The following ANKRD40CL variants were observed in gnomAD, a reference collection of about 807,000 sequenced individuals.
ANKRD40CL encodes the protein ANKRD40 C-terminal like, also known as putative ANKRD40 C-terminal-like protein.
For missense variants in ANKRD40CL, 11 were observed against 6.4 expected (o/e 1.71, Z -0.77); for synonymous variants, 5 against 2.3 (o/e 2.14, Z -1.04).
chr17:50,763,707 T>C (rs530924440), intron 2 of ANKRD40CL, 150 bp from the exon 3 acceptor site: 1 of 395,970 alleles, frequency 2.5e-6, no homozygotes, highest in East Asian at 3.6e-5. Flanking sequence ...CATGGGCACA[T>C]ACACACTTTG....
At chr17:50,763,303 C>T in intron 3 of ANKRD40CL, 94 bp downstream of exon 3, 1 of 398,640 alleles carries the variant, frequency 2.5e-6, no homozygotes, top group African/African-American at 2.1e-5. Flanking sequence ...GCCAGGATTT[C>T]TGGTGTCATG....
intron 2 of ANKRD40CL, chr17:50,764,923 C>G (rs979403701): frequency 6.6e-6 from 1 of 152,138 alleles, no homozygotes; most frequent in African/African-American, 2.4e-5. Flanking sequence ...AGGGAGGCCT[C>G]CATGAAGGTT....
chr17:50,765,466 G>A (rs1567889500), intron 2 of ANKRD40CL, among the ~76,000 whole-genome samples: 1 of 152,204 alleles, frequency 6.6e-6, no homozygotes, highest in Non-Finnish European at 1.5e-5. Flanking sequence ...ATCCTGTGGG[G>A]TATGCACATT....
rs201496589 is a variant in ANKRD40CL at position 50,767,376 on chromosome 17, C to A, written c.-99+87G>T. The A allele has an allele frequency of 5.5e-4, 194 of 351,072 alleles. 2 individuals carry two copies. The highest frequency in any genetic ancestry group is 4.1e-3 in the South Asian group (188 of 45,308). 21.7% of individuals were successfully genotyped at this position (351,072 alleles called of 1,614,324 possible). ...CTTTGTTTCTCGGTTTGAATGGACTCCTCCTCCCCATTTCACTGTCTTTAC... is the reference window on the plus strand; with the variant it reads ...CTTTGTTTCTCGGTTTGAATGGACTACTCCTCCCCATTTCACTGTCTTTAC... On this transcript the variant is annotated intron_variant, in intron 1 of 3. Transcript: ENST00000450727.
At chr17:50,766,386 G>T (rs531810736) in intron 2 of ANKRD40CL, among the ~76,000 whole-genome samples, 5 of 152,322 alleles carry the variant, frequency 3.3e-5, no homozygotes, top group African/African-American at 9.6e-5. Context: ...TCCCTGCCCT[G>T]TCCACTACGT....
At chr17:50,762,023 C>A (rs1971209571) in intron 3 of ANKRD40CL, among the ~76,000 whole-genome samples, 1 of 152,034 alleles carries the variant, frequency 6.6e-6, no homozygotes, top group African/African-American at 2.4e-5. Flanking sequence ...CAGCTTCAAC[C>A]TCCTAGGCTC....
In ANKRD40CL at chr17:50,761,091, G is replaced by C. The variant is rs1442358021; in HGVS notation, c.*272C>G. ...AGTCTTGCTCTGTCGCCAGGCTGGA[G>C]TGCAGTGGCGCAATCTCAGCTCACT... On this transcript the variant is annotated 3_prime_UTR_variant, in exon 4 of 4. Coordinates refer to ENST00000450727, the MANE Select transcript of ANKRD40CL (RefSeq NM_001358683.3). 5.6e-6 allele frequency: 1 copy of C among 179,914 alleles called. No homozygotes were observed. The highest frequency in any genetic ancestry group is 1.1e-5 in the Non-Finnish European group (1 of 90,214). The allele number at this position is 179,914 out of a possible 1,614,324, so 11.1% of individuals were successfully genotyped here. A position where few individuals can be genotyped will look rare whatever the true frequency, so the allele number is the denominator to read the frequency against.
intron 3 of ANKRD40CL, 56 bp downstream of exon 3, chr17:50,763,332 GATTGGCTCC>G (rs1971237301): frequency 2.5e-6 from 1 of 398,938 alleles, no homozygotes; most frequent in East Asian, 3.6e-5. Context: ...AAGTGTAAAC[GATTGGCTCC>G]AGAGAACATG....
intron 2 of ANKRD40CL, chr17:50,765,166 G>A (rs1257662289): frequency 2.6e-5 from 4 of 152,164 alleles, no homozygotes; most frequent in African/African-American, 9.7e-5. Context: ...GGATTTTGGA[G>A]GCAATAAAAA....
intron 3 of ANKRD40CL, chr17:50,762,982 C>G (rs1041177911): frequency 2.0e-5 from 3 of 152,984 alleles, no homozygotes; most frequent in African/African-American, 7.2e-5. Context: ...CTGCAACCTC[C>G]TCCTCCTGGG....
In ANKRD40CL at chr17:50,761,246, A is replaced by T. The variant is rs372105050; in HGVS notation, c.*117T>A. 1.0e-5 allele frequency: 4 copies of T among 385,666 alleles called. No homozygotes were observed. The allele number at this position is 385,666 out of a possible 1,614,324, so 23.9% of individuals were successfully genotyped here. The stretch of plus-strand genomic sequence containing the variant: ...TTTTTAGTAGAGACTGGGTTTCACT[A>T]TATGTTGGCCAGGCTGGTCTAGAAC... On this transcript the variant is annotated 3_prime_UTR_variant, in exon 4 of 4. Transcript: ENST00000450727.
intron 3 of ANKRD40CL, among the ~76,000 whole-genome samples, chr17:50,762,193 T>A (rs1597955949): frequency 6.6e-6 from 1 of 152,166 alleles, no homozygotes; most frequent in African/African-American, 2.4e-5. Context: ...AGTGCTGGGA[T>A]TACAAGCATG....
At position 50,761,433 on chromosome 17, in the gene ANKRD40CL, A is replaced by T. The variant is rs1001193415; in HGVS notation, c.275T>A (p.Leu92Ter). The T allele has an allele frequency of 7.8e-5, 31 of 398,886 alleles. No homozygotes were observed. The highest frequency in any genetic ancestry group is 6.2e-4 in the Middle Eastern group (1 of 1,610). 24.7% of individuals were successfully genotyped at this position (398,886 alleles called of 1,614,324 possible). A position where few individuals can be genotyped will look rare whatever the true frequency, so the allele number is the denominator to read the frequency against. ...TGTCAGAGATGGCACATATTCTGTC[A>T]ATCTGGAGCTTCCATTTTTCATTAA... is the stretch of plus-strand genomic sequence containing the variant. Reference protein sequence around the residue: ...LILMKNGSSRLTEYVPSLTER... With the variant: ...LILMKNGSSR The change falls in exon 4 of 4, where the codon TTG (leucine) becomes TAG (stop). Residue 92 changes from leucine to a stop codon, truncating the protein, a stop_gained. Coordinates refer to ENST00000450727, the MANE Select transcript of ANKRD40CL (RefSeq NM_001358683.3). LOFTEE classifies it low-confidence loss of function (END_TRUNC).
At position 50,767,362 on chromosome 17, in the gene ANKRD40CL, G is replaced by A. The variant is rs558896170; in HGVS notation, c.-99+101C>T. The stretch of plus-strand genomic sequence containing the variant: ...AGAAAAACCAAACACTTTGTTTCTC[G>A]GTTTGAATGGACTCCTCCTCCCCAT... On this transcript the variant is annotated intron_variant, in intron 1 of 3. Coordinates refer to ENST00000450727, the MANE Select transcript of ANKRD40CL (RefSeq NM_001358683.3). 8.6e-4 allele frequency: 304 copies of A among 355,138 alleles called. 8 individuals are homozygous for A. Among genetic ancestry groups the A allele is most frequent in the South Asian group, 5.2e-3 (241 of 45,972 alleles). 22.0% of individuals were successfully genotyped at this position (355,138 alleles called of 1,614,324 possible). A position where few individuals can be genotyped will look rare whatever the true frequency, so the allele number is the denominator to read the frequency against.
intron 3 of ANKRD40CL, chr17:50,763,186 C>G (rs932823323): frequency 5.4e-6 from 2 of 373,492 alleles, no homozygotes; most frequent in Admixed American, 4.6e-5. Context: ...TGTGAGCCAC[C>G]GTGATCGGAC....
At chr17:50,765,842 C>T (rs1597958399) in intron 2 of ANKRD40CL, among the ~76,000 whole-genome samples, 1 of 68,116 alleles carries the variant, frequency 1.5e-5, no homozygotes, top group Non-Finnish European at 2.8e-5. Flanking sequence ...TGGGGCTGGT[C>T]TGGGTGTGGA....
intron 3 of ANKRD40CL, chr17:50,763,172 C>T (rs1971233148): frequency 5.6e-6 from 2 of 359,340 alleles, no homozygotes; most frequent in Non-Finnish European, 9.9e-6. Flanking sequence ...TGGGATTGTA[C>T]TGGTGTGAGC....
At chr17:50,765,492 A>C (rs1441342216) in intron 2 of ANKRD40CL, among the ~76,000 whole-genome samples, 2 of 152,224 alleles carry the variant, frequency 1.3e-5, no homozygotes, top group Non-Finnish European at 2.9e-5. Context: ...TTTCATTTTC[A>C]GACAGGAAAA....
At chr17:50,763,084 AC>A (rs1971231199) in intron 3 of ANKRD40CL, 1 of 207,932 alleles carries the variant, frequency 4.8e-6, no homozygotes, top group Non-Finnish European at 9.5e-6. Flanking sequence ...TTTAGTAGAG[AC>A]GGGTTTTCAC....
Sources: allele counts gnomAD v4.1 joint callset (sites outside exome capture counted in the v4.1 genomes callset), GRCh38; gene constraint gnomAD v4.1.1; transcripts MANE v1.5; gene names NCBI Gene and HGNC (gene_info 2026-07-23, HGNC 2026-07-21).